Variants in ARMH4 observed in about 807,000 individuals in gnomAD.
ARMH4 encodes the protein armadillo-like helical domain-containing protein 4.
Under a neutral mutation model 61.9 loss-of-function variants are expected in ARMH4, and 49 were observed. That is an observed-to-expected ratio of 0.79 (90% CI 0.63 to 1.00). ARMH4 has a LOEUF of 1.00. Ranked by LOEUF, ARMH4 falls within the 50% of genes least tolerant of loss-of-function variation. The probability of loss-of-function intolerance (pLI) is 0.00; values close to 1 mark genes in which losing one functional copy is unlikely to be tolerated. For synonymous variants in ARMH4, 368 were observed against 341.5 expected (o/e 1.08, Z -0.85); for missense variants, 934 against 930.0 (o/e 1.00, Z -0.06).
intron 4 of ARMH4, among the ~76,000 whole-genome samples, chr14:58,103,958 T>TA (rs1352839663): frequency 3.9e-5 from 6 of 152,080 alleles, no homozygotes; most frequent in African/African-American, 7.2e-5. Flanking sequence ...TATAGAATTA[T>TA]AAAAAAATGA....
At chr14:58,101,783 T>C (rs536215210) in intron 4 of ARMH4, among the ~76,000 whole-genome samples, 24 of 152,130 alleles carry the variant, frequency 1.6e-4, no homozygotes, top group East Asian at 5.8e-4. Context: ...GAACCCACCA[T>C]TGATAGAAGA....
intron 5 of ARMH4, among the ~76,000 whole-genome samples, chr14:58,042,190 T>A (rs1386992345): frequency 2.6e-5 from 4 of 152,272 alleles, no homozygotes; most frequent in Admixed American, 6.5e-5. Context: ...ATTGACCACA[T>A]AGTTGGAAAT....
rs1262374716 is a variant in ARMH4, at chr14:58,049,865, C to G, written c.2090-37715G>C. 2.6e-5 allele frequency among the ~76,000 whole-genome samples: 4 copies of G among 152,198 alleles called. No individual in the cohort carries two copies. In the South Asian group the frequency reaches 8.3e-4, roughly 31 times the overall value. On this transcript the variant is annotated intron_variant, in intron 5 of 7. Transcript: ENST00000267485. ...CACAGTAAGCTCATCCTTCTCACAA[C>G]CCGGGCACCTCCACTACTGCTCAGA...
At chr14:58,151,903 G>C (rs1887939118) in intron 1 of ARMH4, among the ~76,000 whole-genome samples, 172 bp downstream of exon 1, 1 of 152,170 alleles carries the variant, frequency 6.6e-6, no homozygotes, top group African/African-American at 2.4e-5. Context: ...TGGGCACCGC[G>C]CTCCGGAGGA....
chr14:58,048,851 CTCTT>C (rs1465114397), intron 5 of ARMH4, among the ~76,000 whole-genome samples: 1 of 152,166 alleles, frequency 6.6e-6, no homozygotes, highest in African/African-American at 2.4e-5. Context: ...CATAATTAAA[CTCTT>C]TATTTCATAA....
intron 4 of ARMH4, among the ~76,000 whole-genome samples, chr14:58,097,672 G>A (rs949096471): frequency 3.6e-5 from 5 of 138,810 alleles, no homozygotes; most frequent in Middle Eastern, 3.6e-3. Flanking sequence ...ACAATTCGTC[G>A]TTTTCTTGAT....
At chr14:58,060,740 G>A (rs1359869669) in intron 5 of ARMH4, among the ~76,000 whole-genome samples, 1 of 152,190 alleles carries the variant, frequency 6.6e-6, no homozygotes, top group Non-Finnish European at 1.5e-5. Context: ...CAGAAGCAAT[G>A]AAAACCAGGG....
intron 4 of ARMH4, among the ~76,000 whole-genome samples, chr14:58,098,500 GC>G (rs1414860758): frequency 5.9e-5 from 9 of 152,302 alleles, no homozygotes; most frequent in Non-Finnish European, 1.2e-4. Context: ...GATAGAAAAC[GC>G]CAGGCACTGC....
chr14:58,127,077 C>T (rs1244767330), intron 4 of ARMH4, among the ~76,000 whole-genome samples: 1 of 152,144 alleles, frequency 6.6e-6, no homozygotes, highest in Non-Finnish European at 1.5e-5. Context: ...GCTGGGATTA[C>T]CCCGGCCAAG....
At chr14:58,016,488 A>G (rs995897998) in intron 5 of ARMH4, among the ~76,000 whole-genome samples, 4 of 152,204 alleles carry the variant, frequency 2.6e-5, no homozygotes, top group Non-Finnish European at 4.4e-5. Context: ...TAGTAGAATT[A>G]TCGATGATTT....
At chr14:58,043,239 C>G (rs1883793119) in intron 5 of ARMH4, among the ~76,000 whole-genome samples, 1 of 152,146 alleles carries the variant, frequency 6.6e-6, no homozygotes, top group Non-Finnish European at 1.5e-5. Flanking sequence ...AGCAGCACAT[C>G]AAAAAGCTTA....
intron 4 of ARMH4, among the ~76,000 whole-genome samples, chr14:58,120,190 A>G (rs1356209639): frequency 6.6e-6 from 1 of 152,208 alleles, no homozygotes; most frequent in Non-Finnish European, 1.5e-5. Flanking sequence ...ACACAATGGT[A>G]AGTATTTGTG....
At chr14:58,016,629 T>C (rs375054886) in intron 5 of ARMH4, among the ~76,000 whole-genome samples, 12 of 152,190 alleles carry the variant, frequency 7.9e-5, no homozygotes, top group Non-Finnish European at 1.6e-4. Context: ...AAGTTGACAG[T>C]AGATTGCTGA....
Position 58,139,039 on chromosome 14 carries a change from T to C in ARMH4, c.320A>G (p.Glu107Gly), listed in dbSNP as rs1887432103. 1 of 1,614,106 alleles carries C rather than the reference T, an allele frequency of 6.2e-7. No homozygotes were observed. Among genetic ancestry groups the C allele is most frequent in the African/African-American group, 1.3e-5 (1 of 74,942 alleles). Residue 107 changes from glutamate to glycine, a missense_variant, in exon 2 of 8, where the codon GAA becomes GGA. Coordinates refer to ENST00000267485, the MANE Select transcript of ARMH4 (RefSeq NM_001001872.4). Reference protein sequence around the residue: ...QPGQAGLMQTERPGVSTPTES... With the variant: ...QPGQAGLMQTGRPGVSTPTES... ...AGTAGGTGTGGAAACACCAGGGCGT[T>C]CTGTTTGCATGAGCCCAGCTTGTCC...
intron 5 of ARMH4, 96 bp downstream of exon 5, chr14:58,096,628 T>C (rs574609824): frequency 1.3e-4 from 188 of 1,409,418 alleles, no homozygotes; most frequent in Middle Eastern, 1.9e-4. Context: ...AAAATCCATT[T>C]TTCTTTACAA....
At chr14:58,128,507 TA>T (rs912419091) in intron 4 of ARMH4, among the ~76,000 whole-genome samples, 12 of 151,926 alleles carry the variant, frequency 7.9e-5, no homozygotes, top group Admixed American at 3.3e-4. Flanking sequence ...TATTTATCCC[TA>T]AAAAAAAGTC....
At chr14:58,073,834 G>A (rs1489033147) in intron 5 of ARMH4, among the ~76,000 whole-genome samples, 1 of 152,178 alleles carries the variant, frequency 6.6e-6, no homozygotes, top group Non-Finnish European at 1.5e-5. Flanking sequence ...CTGAGCCTCA[G>A]TGTCCTCAAC....
rs1160517982 is a variant in ARMH4 at position 58,139,161 on chromosome 14, G to A, written c.198C>T (p.Pro66=). 7 of 1,614,218 alleles carry A rather than the reference G, an allele frequency of 4.3e-6. No individual in the cohort carries two copies. The highest frequency in any genetic ancestry group is 1.6e-4 in the Middle Eastern group (1 of 6,062). The change falls in exon 2 of 8, where the codon CCC becomes CCT. Residue 66 remains proline, a synonymous_variant. Coordinates refer to ENST00000267485, the MANE Select transcript of ARMH4 (RefSeq NM_001001872.4). ...TTGGATCTTCAGAGACCACCAGTTG[G>A]GGAGTCTGCTTTGAGGTAACAGAGC... ...ENSSVTSKQT[P]QLVVSEDPMM...
intron 4 of ARMH4, among the ~76,000 whole-genome samples, chr14:58,111,120 C>T (rs964690290): frequency 2.6e-5 from 4 of 152,108 alleles, no homozygotes; most frequent in Non-Finnish European, 5.9e-5. Flanking sequence ...TTGAAGATAA[C>T]ATATTTGCTA....
Sources: allele counts gnomAD v4.1 joint callset (sites outside exome capture counted in the v4.1 genomes callset), GRCh38; gene constraint gnomAD v4.1.1; transcripts MANE v1.5; gene names NCBI Gene and HGNC (gene_info 2026-07-23, HGNC 2026-07-21).